MACF1: variants seen among roughly 807,000 people sequenced by gnomAD.
MACF1 encodes microtubule-actin cross-linking factor 1.
A neutral mutation model predicts 854.8 loss-of-function variants in MACF1; 193 were observed. That is an observed-to-expected ratio of 0.23 (90% CI 0.20 to 0.25). The LOEUF is 0.25. MACF1 is among the 10% of genes least tolerant of loss of function. The probability of loss-of-function intolerance (pLI) is 1.00; values close to 1 mark genes in which losing one functional copy is unlikely to be tolerated. For synonymous variants in MACF1, 3,185 were observed against 3,226.7 expected (o/e 0.99, Z 0.44); for missense variants, 7,722 against 8,929.1 (o/e 0.86, Z 5.45).
intron 2 of MACF1, among the ~76,000 whole-genome samples, chr1:39,112,550 A>G (rs1368727156): frequency 1.3e-5 from 2 of 152,070 alleles, no homozygotes; most frequent in Non-Finnish European, 1.5e-5. Flanking sequence ...TGGTGGTGCA[A>G]TCCCGTGGTC....
chr1:39,414,447 G>A, intron 58 of MACF1: 1 of 1,614,008 alleles, frequency 6.2e-7, no homozygotes, highest in Non-Finnish European at 8.5e-7. Context: ...AAGTGCCTCT[G>A]GCTGCAACCG....
intron 85 of MACF1, among the ~76,000 whole-genome samples, chr1:39,451,734 A>G (rs545846365): frequency 1.9e-4 from 29 of 152,282 alleles, no homozygotes; most frequent in African/African-American, 7.0e-4. Context: ...TATTTCCCAT[A>G]ATTCTGGAAA....
At chr1:39,429,174 A>C in intron 63 of MACF1, 68 bp from the exon 64 acceptor site, 1 of 807,324 alleles carries the variant, frequency 1.2e-6, no homozygotes, top group Non-Finnish European at 2.1e-6. Flanking sequence ...TTGATCTCTT[A>C]AAGGTCTCGC....
Position 39,388,606 on chromosome 1 carries a change from G to T in MACF1, c.15764G>T (p.Trp5255Leu). 6.2e-7 allele frequency: 1 copy of T among 1,603,676 alleles called. No homozygotes were observed. The highest frequency in any genetic ancestry group is 8.5e-7 in the Non-Finnish European group (1 of 1,176,462). ...TAAEEAEALQWVVGTEVEIIN... is the reference protein window; with the variant it reads ...TAAEEAEALQLVVGTEVEIIN... ...GCAGAGGAGGCAGAGGCCCTCCAGT[G>T]GGTAGTGGGGACCGAAGTGGAAATC... Residue 5255 changes from tryptophan (W) to leucine (L), a missense_variant, in exon 58 of 101, where the codon TGG (tryptophan) becomes TTG (leucine). Physicochemically the swap from Trp to Leu is moderately conservative, Grantham distance 61. Transcript: ENST00000564288.
chr1:39,333,878 G>C lies in MACF1; in HGVS notation c.7290G>C (p.Leu2430Phe), dbSNP rs543036786. 8 of 1,614,046 alleles carry C rather than the reference G, an allele frequency of 5.0e-6. No homozygotes were observed. Among genetic ancestry groups the C allele is most frequent in the Non-Finnish European group, 6.8e-6 (8 of 1,180,036 alleles). The stretch of plus-strand genomic sequence containing the variant: ...TAACTTTGGCCTCAACTCTTGGCTT[G>C]GTGGACGTTGCTGACCAGCCAGAAC... ...VSVTLASTLG[L>F]VDVADQPELI... The change falls in exon 37 of 101, where the codon TTG (leucine) becomes TTC (phenylalanine). Residue 2430 changes from leucine (L) to phenylalanine (F), a missense_variant. Around this residue, in one of 15 missense-constraint regions of MACF1, gnomAD observed 1,531 missense variants for 1,601.6 expected, o/e 0.96. Transcript: ENST00000564288.
At chr1:39,307,212 C>G (rs1366205988) in intron 23 of MACF1, among the ~76,000 whole-genome samples, 1 of 151,582 alleles carries the variant, frequency 6.6e-6, no homozygotes, top group African/African-American at 2.4e-5. Context: ...AATCATTGCT[C>G]TATTGCTTTC....
Position 39,283,658 on chromosome 1 carries a change from C to CAA in MACF1, c.915+143_915+144insAA. The stretch of plus-strand genomic sequence containing the variant: ...TATCTTTATCATACATGGACATTAT[C>CAA]CTTGGCCCTGGAAATGAGTCTAGAT... On this transcript the variant is annotated intron_variant, in intron 9 of 100. Coordinates refer to ENST00000564288, the MANE Select transcript of MACF1 (RefSeq NM_001394062.1). The surrounding 1 kb of genome is among the most constrained non-coding windows in gnomAD (Gnocchi z 4.5). 1.5e-6 allele frequency: 1 copy of CAA among 655,194 alleles called. No individual in the cohort carries two copies. Among genetic ancestry groups the CAA allele is most frequent in the South Asian group, 1.9e-5 (1 of 51,512 alleles). 40.6% of individuals were successfully genotyped at this position (655,194 alleles called of 1,614,324 possible).
In MACF1 at chr1:39,128,698, C is replaced by CA. The variant is rs76492560; in HGVS notation, c.220+44273dup. Among the ~76,000 whole-genome samples the CA allele has an allele frequency of 6.7e-3, 912 of 136,454 alleles. 7 individuals are homozygous for CA. Among genetic ancestry groups the CA allele is most frequent in the African/African-American group, 0.02 (753 of 37,296 alleles). 89.5% of individuals were successfully genotyped at this position (136,454 alleles called of 152,430 possible). A position where few individuals can be genotyped will look rare whatever the true frequency, so the allele number is the denominator to read the frequency against. On this transcript the variant is annotated intron_variant, in intron 2 of 93. Transcript: ENST00000361689. ...TGGGTGACAGGGTGAGACTCCGTCT[C>CA]AAAAAAAAAAAAAGATTTCTGCTAT...
At position 39,385,941 on chromosome 1, in the gene MACF1, T is replaced by A; in HGVS notation, c.14344+12T>A. ...AGAAGACCTTGCAGGTAAGTTGGGGTGAAGAACATACTTCTGCCATTATTA... is the reference window on the plus strand; with the variant it reads ...AGAAGACCTTGCAGGTAAGTTGGGGAGAAGAACATACTTCTGCCATTATTA... On this transcript the variant is annotated intron_variant, in intron 57 of 100. Transcript: ENST00000564288. 3 of 1,594,076 alleles carry A rather than the reference T, an allele frequency of 1.9e-6. No homozygotes were observed. Among genetic ancestry groups the A allele is most frequent in the Non-Finnish European group, 2.6e-6 (3 of 1,168,358 alleles).
intron 70 of MACF1, 116 bp from the exon 71 acceptor site, chr1:39,437,661 C>A: frequency 2.2e-6 from 2 of 915,596 alleles, no homozygotes; most frequent in Non-Finnish European, 1.8e-6. Flanking sequence ...TTGGGCTAAA[C>A]TGAGCACAGG....
intron 40 of MACF1, among the ~76,000 whole-genome samples, chr1:39,345,438 C>G (rs1034767786): frequency 4.6e-5 from 7 of 151,676 alleles, no homozygotes; most frequent in African/African-American, 1.5e-4. Context: ...GGTGAGACAC[C>G]ATGTCTACAG....
At chr1:39,231,356 A>T in intron 2 of MACF1, 113 bp downstream of exon 2, 1 of 944,384 alleles carries the variant, frequency 1.1e-6, no homozygotes. Context: ...AAGTCTATGA[A>T]GATACACATG....
chr1:39,380,439 C>A (rs759571241), intron 55 of MACF1, 66 bp downstream of exon 55: 7 of 1,470,868 alleles, frequency 4.8e-6, no homozygotes, highest in Admixed American at 4.0e-5. Context: ...TAGAGAATTT[C>A]AGCACATCCT....
At chr1:39,351,172 A>G (rs1271637910) in intron 43 of MACF1, among the ~76,000 whole-genome samples, 154 bp downstream of exon 43, 1 of 152,176 alleles carries the variant, frequency 6.6e-6, no homozygotes, top group Admixed American at 6.5e-5. Flanking sequence ...GTTTTTTGAG[A>G]CGGAATCTCT....
At chr1:39,236,515 G>A (rs930765262) in intron 2 of MACF1, among the ~76,000 whole-genome samples, 1 of 152,096 alleles carries the variant, frequency 6.6e-6, no homozygotes, top group Non-Finnish European at 1.5e-5. Context: ...TACTCCTTAT[G>A]TGCTTTTGTT....
intron 90 of MACF1, 34 bp from the exon 91 acceptor site, chr1:39,459,049 CCAG>C (rs1237881641): frequency 6.4e-7 from 1 of 1,563,330 alleles, no homozygotes; most frequent in Non-Finnish European, 8.7e-7. Context: ...TGTATACTAA[CCAG>C]CTGTTCTAAT....
chr1:39,267,663 A>G (rs1172706429), intron 6 of MACF1, among the ~76,000 whole-genome samples: 1 of 152,262 alleles, frequency 6.6e-6, no homozygotes, highest in African/African-American at 2.4e-5. Flanking sequence ...AGTGCAAAAA[A>G]TATATTAGAT....
intron 25 of MACF1, 37 bp downstream of exon 25, chr1:39,310,465 A>G (rs778750317): frequency 1.3e-6 from 2 of 1,583,672 alleles, no homozygotes; most frequent in Non-Finnish European, 1.7e-6. Context: ...GAATAGTAGA[A>G]TGAGAGCCTT....
chr1:39,294,265 C>G (rs1242260462), intron 18 of MACF1, among the ~76,000 whole-genome samples: 1 of 152,144 alleles, frequency 6.6e-6, no homozygotes, highest in Admixed American at 6.5e-5. Context: ...GCTTTTTATT[C>G]TTTTCAATGA....
Sources: allele counts gnomAD v4.1 joint callset (sites outside exome capture counted in the v4.1 genomes callset), GRCh38; gene constraint gnomAD v4.1.1; regional missense constraint gnomAD v4.1.1; non-coding constraint Gnocchi (gnomAD v3.1); transcripts MANE v1.5; gene names NCBI Gene and HGNC (gene_info 2026-07-23, HGNC 2026-07-21).